The following HSP90AA1 variants were observed in gnomAD, a reference collection of about 807,000 sequenced individuals.
HSP90AA1 encodes heat shock protein 90 alpha family class A member 1, also known as heat shock protein HSP 90-alpha.
A neutral mutation model predicts 73.3 loss-of-function variants in HSP90AA1; 18 were observed. That is an observed-to-expected ratio of 0.25 (90% CI 0.17 to 0.36). The LOEUF is 0.36. HSP90AA1 is among the 10% of genes least tolerant of loss of function. HSP90AA1 has a pLI of 1.00. For synonymous variants in HSP90AA1, 477 were observed against 296.9 expected, an observed-to-expected ratio of 1.61 and a Z score of -6.24; for missense variants, 704 against 874.2, an observed-to-expected ratio of 0.81 and a Z score of 2.45.
chr14:102,124,190 A>ATTTTTTTT (rs35232557), intron 1 of HSP90AA1, among the ~76,000 whole-genome samples: 1 of 128,116 alleles, frequency 7.8e-6, no homozygotes, highest in Non-Finnish European at 1.6e-5. Context: ...TTGAATGCTA[A>ATTTTTTTT]TTTTTTTTTT....
At chr14:102,100,057 A>G (rs1377824436) in intron 2 of HSP90AA1, among the ~76,000 whole-genome samples, 1 of 152,032 alleles carries the variant, frequency 6.6e-6, no homozygotes, top group African/African-American at 2.4e-5. Flanking sequence ...CAGTGGTGGC[A>G]TGCGCCTGTG....
At chr14:102,089,724 C>CT (rs1421607570), upstream of HSP90AA1, among the ~76,000 whole-genome samples, 2 of 152,120 alleles carry the variant, frequency 1.3e-5, no homozygotes, top group Non-Finnish European at 2.9e-5. Flanking sequence ...TCTTTGAGGG[C>CT]TCGTTAGCCA....
At chr14:102,130,308 G>T (rs565203701) in intron 1 of HSP90AA1, among the ~76,000 whole-genome samples, 11 of 152,032 alleles carry the variant, frequency 7.2e-5, no homozygotes, top group African/African-American at 2.7e-4. Flanking sequence ...ATATACATAC[G>T]ATTGGAATTG....
intron 1 of HSP90AA1, among the ~76,000 whole-genome samples, chr14:102,131,793 A>C (rs1237689374): frequency 2.6e-5 from 4 of 152,190 alleles, no homozygotes; most frequent in Admixed American, 1.3e-4. Flanking sequence ...TGATCACTAC[A>C]TGATGTACTT....
intron 1 of HSP90AA1, among the ~76,000 whole-genome samples, chr14:102,135,055 G>A (rs937983286): frequency 5.3e-5 from 8 of 152,200 alleles, no homozygotes; most frequent in African/African-American, 1.9e-4. Context: ...GCTAGATACA[G>A]AGTGTCGACT....
chr14:102,083,100 C>T lies in HSP90AA1; in HGVS notation c.1689G>A (p.Glu563=), dbSNP rs2049137204. The change falls in exon 9 of 11, where the codon GAG becomes GAA. Residue 563 remains glutamate (E), a synonymous_variant. Transcript: ENST00000216281. ...AGAGGTTCTCAAACTTTGTTTTTTT[C>T]TCTTCCTGCTTCTTTTTCTCTTCTT... ...EDEEEKKKQE[E]KKTKFENLCK... 3.7e-6 allele frequency: 6 copies of T among 1,613,766 alleles called. No individual in the cohort carries two copies. The highest frequency in any genetic ancestry group is 4.2e-6 in the Non-Finnish European group (5 of 1,179,808).
exon 2 of HSP90AA1, chr14:102,101,930 C>T (rs1595668824): frequency 6.2e-7 from 1 of 1,614,196 alleles, no homozygotes; most frequent in East Asian, 2.2e-5. Context: ...TTGCCCTGCA[C>T]CTTGGCTCTG....
Position 102,081,310 on chromosome 14 carries a change from CA to C in HSP90AA1, c.*401del. 3.4e-6 allele frequency: 1 copy of C among 298,018 alleles called. No individual in the cohort carries two copies. Among genetic ancestry groups the C allele is most frequent in the Non-Finnish European group, 6.4e-6 (1 of 157,086 alleles). 18.5% of individuals were successfully genotyped at this position (298,018 alleles called of 1,614,324 possible). A position where few individuals can be genotyped will look rare whatever the true frequency, so the allele number is the denominator to read the frequency against. Reference sequence around the variant, plus strand: ...TGTCAACTACAGGGAATGAAAAGTTCAAAAAGTAGATCCTACAAGATGTAAC... The same window carrying C: ...TGTCAACTACAGGGAATGAAAAGTTCAAAAGTAGATCCTACAAGATGTAAC... On this transcript the variant is annotated 3_prime_UTR_variant, in exon 11 of 11. Coordinates refer to ENST00000216281, the MANE Select transcript of HSP90AA1 (RefSeq NM_005348.4).
At chr14:102,085,535 T>C in intron 3 of HSP90AA1, 104 bp from the exon 4 acceptor site, 1 of 1,297,842 alleles carries the variant, frequency 7.7e-7, no homozygotes, top group South Asian at 1.2e-5. Context: ...TTGCCGTTAC[T>C]ACAGATGCAA....
chr14:102,085,844 A>G lies in HSP90AA1; in HGVS notation c.443T>C (p.Val148Ala). Residue 148 changes from valine to alanine, a missense_variant, in exon 3 of 11, where the codon GTA becomes GCA. Transcript: ENST00000216281. ...ATCGTTATGTTTGGTGATCACAGTT[A>G]CTTTCTCAGCAACCAAATAAGCAGA... The part of the protein sequence containing the change: ...FYSAYLVAEK[V>A]TVITKHNDDE... 6.2e-7 allele frequency: 1 copy of G among 1,613,982 alleles called. No homozygotes were observed. Among genetic ancestry groups the G allele is most frequent in the Non-Finnish European group, 8.5e-7 (1 of 1,179,862 alleles).
chr14:102,096,023 C>CT (rs1383536540), intron 2 of HSP90AA1, among the ~76,000 whole-genome samples: 9 of 152,182 alleles, frequency 5.9e-5, no homozygotes, highest in African/African-American at 2.2e-4. Flanking sequence ...GGGAGGCCCC[C>CT]TCCTGTGCCC....
chr14:102,139,072 G>A (rs1361967464), intron 1 of HSP90AA1, among the ~76,000 whole-genome samples: 1 of 152,132 alleles, frequency 6.6e-6, no homozygotes, highest in Non-Finnish European at 1.5e-5. Context: ...CCCGCCCCGT[G>A]TTTCTGAACA....
chr14:102,127,131 A>G (rs1179805319), intron 1 of HSP90AA1, among the ~76,000 whole-genome samples: 1 of 151,832 alleles, frequency 6.6e-6, no homozygotes, highest in African/African-American at 2.4e-5. Context: ...TTCTTTACAT[A>G]TAGCATACTA....
In HSP90AA1 at chr14:102,120,903, A is replaced by G. The variant is rs113139805; in HGVS notation, c.155+18347T>C. 4.0e-3 allele frequency among the ~76,000 whole-genome samples: 611 copies of G among 151,684 alleles called. 3 individuals carry two copies. Among genetic ancestry groups the G allele is most frequent in the African/African-American group, 6.0e-3 (249 of 41,364 alleles). On this transcript the variant is annotated intron_variant, in intron 1 of 11. Coordinates refer to the HSP90AA1 transcript ENST00000334701. ...CAGTGAGCTGAGATTGCACCACTGC[A>G]CTCCAGCCTGGGCAACAAGAGCTAG...
At chr14:102,117,561 C>A (rs776782354) in intron 1 of HSP90AA1, among the ~76,000 whole-genome samples, 5 of 151,806 alleles carry the variant, frequency 3.3e-5, no homozygotes, top group Non-Finnish European at 7.4e-5. Context: ...GAGCTGAACA[C>A]CCCCCAGCTG....
chr14:102,084,611 G>C, intron 5 of HSP90AA1, 47 bp from the exon 6 acceptor site: 1 of 1,614,162 alleles, frequency 6.2e-7, no homozygotes, highest in South Asian at 1.1e-5. Context: ...ATGCATTATA[G>C]AAGATATTTG....
rs369851827 is a variant in HSP90AA1 at position 102,084,636 on chromosome 14, G to A, written c.981+45C>T. 36 of 1,614,078 alleles carry A rather than the reference G, an allele frequency of 2.2e-5. No homozygotes were observed. In the African/African-American group the frequency reaches 4.0e-4, roughly 18 times the overall value. ...GAAGATATTTGGGGTGGTGGAGAAA[G>A]ATGATAATCTAAGGACAAGCTTGAA... On this transcript the variant is annotated intron_variant, in intron 5 of 10. Transcript: ENST00000216281.
At chr14:102,135,062 G>C (rs1282098429) in intron 1 of HSP90AA1, among the ~76,000 whole-genome samples, 1 of 152,200 alleles carries the variant, frequency 6.6e-6, no homozygotes, top group South Asian at 2.1e-4. Flanking sequence ...ACAGAGTGTC[G>C]ACTGGTGCAT....
At chr14:102,085,061 C>A in intron 4 of HSP90AA1, 63 bp from the exon 5 acceptor site, 1 of 1,612,056 alleles carries the variant, frequency 6.2e-7, no homozygotes, top group Non-Finnish European at 8.5e-7. Context: ...CAGCGCTGCA[C>A]CACTATTTTC....
Sources: gnomAD v4.1 joint callset for allele counts (sites outside exome capture counted in the v4.1 genomes callset) on GRCh38, gnomAD v4.1.1 for gene constraint, MANE v1.5 for transcripts, NCBI Gene and HGNC (gene_info 2026-07-23, HGNC 2026-07-21) for gene names.